The following MAP3K15 variants were observed in gnomAD, a reference collection of about 807,000 sequenced individuals.
The protein encoded by MAP3K15 is mitogen-activated protein kinase kinase kinase 15.
A neutral mutation model predicts 99.5 loss-of-function variants in MAP3K15; 124 were observed. The observed-to-expected ratio is 1.25, with a 90% CI of 1.08 to 1.45. MAP3K15 has a LOEUF of 1.45. Among genes scored for constraint, MAP3K15 ranks in the 40% most tolerant of loss-of-function variants. The pLI is 0.00. For synonymous variants in MAP3K15, 494 were observed against 439.6 expected, an observed-to-expected ratio of 1.12 and a Z score of -1.55; for missense variants, 1,242 against 1,079.7, an observed-to-expected ratio of 1.15 and a Z score of -2.11.
intron 9 of MAP3K15, among the ~76,000 whole-genome samples, chrX:19,424,299 T>C (rs1431884657): frequency 3.1e-5 from 3 of 98,016 alleles, no homozygotes; most frequent in East Asian, 5.7e-4. Context: ...TATACACATA[T>C]ATATACACAC....
Position 19,400,796 on chromosome X carries a change from C to T in MAP3K15, c.1845-133G>A, listed in dbSNP as rs2063602783. ...AAGTCATGGAACAATCGATCCCCTC[C>T]TTGATTTGACGTGGTACTTTAGTGG... On this transcript the variant is annotated intron_variant, in intron 13 of 28. Transcript: ENST00000338883. 8.7e-5 allele frequency: 38 copies of T among 437,070 alleles called. No homozygotes were observed. In the South Asian group the frequency reaches 1.2e-3, roughly 13 times the overall value. The allele number at this position is 437,070 out of a possible 1,213,427, so 36.0% of individuals were successfully genotyped here.
At chrX:19,454,684 TC>T (rs952102323) in intron 6 of MAP3K15, among the ~76,000 whole-genome samples, 1 of 112,000 alleles carries the variant, frequency 8.9e-6, no homozygotes, top group African/African-American at 3.3e-5. Context: ...AAAACTCATT[TC>T]TTGTCCATCA....
At chrX:19,420,999 C>G (rs2063779621) in intron 9 of MAP3K15, among the ~76,000 whole-genome samples, 1 of 111,501 alleles carries the variant, frequency 9.0e-6, no homozygotes, top group African/African-American at 3.3e-5. Context: ...ATGCTAAAAA[C>G]TCTCAATACA....
At chrX:19,432,478 C>G (rs1174597442) in intron 6 of MAP3K15, among the ~76,000 whole-genome samples, 2 of 107,018 alleles carry the variant, frequency 1.9e-5, no homozygotes, top group Non-Finnish European at 3.9e-5. Context: ...TCACTTGAAC[C>G]CAGGAGGCAG....
intron 18 of MAP3K15, among the ~76,000 whole-genome samples, chrX:19,388,252 C>T (rs761695114): frequency 4.4e-4 from 49 of 112,268 alleles, no homozygotes; most frequent in East Asian, 1.7e-3. Context: ...CGGCTTCAAG[C>T]GATGAGTCCT....
Position 19,485,806 on chromosome X carries a change from A to G in MAP3K15, c.525+676T>C, listed in dbSNP as rs1488750286. On this transcript the variant is annotated intron_variant, in intron 3 of 28. Transcript: ENST00000338883. ...TCTAGGTCACGGTTTCTCAAACCAC[A>G]ATGCCATAGGTCTGGAGGGATGGGC... is the stretch of plus-strand genomic sequence containing the variant. Among the ~76,000 whole-genome samples, 10 of 111,316 alleles carry G rather than the reference A, an allele frequency of 9.0e-5. No individual in the cohort carries two copies. In the Admixed American group the frequency reaches 9.6e-4, roughly 11 times the overall value.
intron 10 of MAP3K15, 138 bp from the exon 11 acceptor site, chrX:19,413,602 G>A: frequency 4.8e-6 from 1 of 210,165 alleles, no homozygotes; most frequent in Non-Finnish European, 8.2e-6. Flanking sequence ...TGTAATCCCA[G>A]CACTTTGGGA....
rs149178867 is a variant in MAP3K15 at position 19,466,056 on chromosome X, C to T, written c.526-1650G>A. On this transcript the variant is annotated intron_variant, in intron 3 of 28. Coordinates refer to ENST00000338883, the MANE Select transcript of MAP3K15 (RefSeq NM_001001671.4). Reference sequence around the variant, plus strand: ...GCAGTCTCAAACTCCTGGGCTCAAGCGATCCTCCTGCCTTGGCCTCCCAAA... The same window carrying T: ...GCAGTCTCAAACTCCTGGGCTCAAGTGATCCTCCTGCCTTGGCCTCCCAAA... 6.8e-4 allele frequency among the ~76,000 whole-genome samples: 75 copies of T among 110,426 alleles called. No individual in the cohort carries two copies. The East Asian group carries it at 0.02, about 29-fold the overall frequency.
rs1208877616 is a variant in MAP3K15 at position 19,474,546 on chromosome X, G to C, written c.526-10140C>G. On this transcript the variant is annotated intron_variant, in intron 3 of 28. Coordinates refer to ENST00000338883, the MANE Select transcript of MAP3K15 (RefSeq NM_001001671.4). ...AGATCCAGTCATTCTTGGAGGTTGG[G>C]GGGGGGGGTCTGTGAACTTGAAAGA... 6.2e-5 allele frequency among the ~76,000 whole-genome samples: 6 copies of C among 97,206 alleles called. 1 individual carries two copies. The highest frequency in any genetic ancestry group is 2.3e-4 in the African/African-American group (6 of 26,188). 84.4% of individuals were successfully genotyped at this position (97,206 alleles called of 115,157 possible).
intron 12 of MAP3K15, among the ~76,000 whole-genome samples, chrX:19,409,166 T>C (rs927096262): frequency 6.3e-5 from 7 of 111,396 alleles, no homozygotes; most frequent in African/African-American, 2.3e-4. Context: ...AGGATCACAC[T>C]ATGTCTAGAA....
At chrX:19,362,015 G>A (rs918171845) in intron 26 of MAP3K15, among the ~76,000 whole-genome samples, 1 of 111,330 alleles carries the variant, frequency 9.0e-6, no homozygotes, top group Admixed American at 9.6e-5. Context: ...ATGTCAGGTT[G>A]ATGGAGGCAT....
In MAP3K15 at chrX:19,464,361, A is replaced by C. The variant is rs765317585; in HGVS notation, c.571T>G (p.Cys191Gly). 36 of 1,195,462 alleles carry C rather than the reference A, an allele frequency of 3.0e-5. No individual in the cohort carries two copies. The highest frequency in any genetic ancestry group is 5.3e-5 in the South Asian group (3 of 56,396). The change falls in exon 4 of 29, where the codon TGC becomes GGC. Residue 191 changes from cysteine to glycine, a missense_variant. By Grantham distance (159) the Cys-to-Gly change is radical. Coordinates refer to ENST00000338883, the MANE Select transcript of MAP3K15 (RefSeq NM_001001671.4). ...CTCTCGCAGCAAAAATAATCAGCGC[A>C]CGGTGTCACGATGTATGGGATGAAA... is the stretch of plus-strand genomic sequence containing the variant. ...YYFIPYIVTP[C>G]ADYFCCESDA... is the part of the protein sequence containing the mutation.
intron 1 of MAP3K15, among the ~76,000 whole-genome samples, chrX:19,491,221 G>A (rs950844828): frequency 9.9e-5 from 11 of 111,338 alleles, no homozygotes; most frequent in Non-Finnish European, 1.9e-4. Context: ...GGATTCTGAT[G>A]GGTGCCAGGG....
rs752569972 is a variant in MAP3K15, at chrX:19,457,009, G to A, written c.899C>T (p.Ala300Val). The A allele has an allele frequency of 9.2e-6, 11 of 1,190,156 alleles. No homozygotes were observed. In the South Asian group the frequency reaches 1.6e-4, roughly 17 times the overall value. Residue 300 changes from alanine (A) to valine (V), a missense_variant, in exon 6 of 29, where the codon GCG becomes GTG. Coordinates refer to ENST00000338883, the MANE Select transcript of MAP3K15 (RefSeq NM_001001671.4). ...LSYRDIQDYD[A>V]MVKLVETLEM... ...CAGTGTTTCCACCAGCTTCACCATC[G>A]CATCATAGTCCTGTTGGCAAGAGGT... is the stretch of plus-strand genomic sequence containing the variant.
intron 1 of MAP3K15, among the ~76,000 whole-genome samples, chrX:19,509,777 A>T (rs776446357): frequency 1.6e-4 from 18 of 111,515 alleles, no homozygotes; most frequent in Non-Finnish European, 2.3e-4. Flanking sequence ...GACATGAAAA[A>T]ACCTTCAAAA....
intron 13 of MAP3K15, among the ~76,000 whole-genome samples, chrX:19,401,489 G>A (rs1353070899): frequency 9.0e-6 from 1 of 111,718 alleles, no homozygotes; most frequent in Non-Finnish European, 1.9e-5. Context: ...CCCGCACCCA[G>A]CCTCTTGTAT....
chrX:19,451,622 G>C, intron 6 of MAP3K15, among the ~76,000 whole-genome samples: 1 of 108,868 alleles, frequency 9.2e-6, no homozygotes, highest in East Asian at 2.8e-4. Flanking sequence ...AACTACAATA[G>C]GCTATCATCT....
intron 13 of MAP3K15, among the ~76,000 whole-genome samples, chrX:19,405,414 A>AC (rs2063640869): frequency 8.9e-6 from 1 of 111,962 alleles, no homozygotes; most frequent in Admixed American, 9.5e-5. Flanking sequence ...TCAAAGGACT[A>AC]CCCAAAATAA....
rs1447736881 is a variant in MAP3K15, at chrX:19,464,391, A to C, written c.541T>G (p.Tyr181Asp). The C allele has an allele frequency of 3.4e-6, 4 of 1,184,184 alleles. No individual in the cohort carries two copies. In the South Asian group the frequency reaches 5.4e-5, roughly 16 times the overall value. Residue 181 changes from tyrosine to aspartate, a missense_variant, in exon 4 of 29, where the codon TAT becomes GAT. Coordinates refer to ENST00000338883, the MANE Select transcript of MAP3K15 (RefSeq NM_001001671.4). ...GTCACGATGTATGGGATGAAATAAT[A>C]ATTTCCACTGGATGCCTGGAAAAAA... is the stretch of plus-strand genomic sequence containing the variant. ...TQKNTASSGN[Y>D]YFIPYIVTPC...
Sources: gnomAD v4.1 joint callset for allele counts (sites outside exome capture counted in the v4.1 genomes callset) on GRCh38, gnomAD v4.1.1 for gene constraint, MANE v1.5 for transcripts, NCBI Gene and HGNC (gene_info 2026-07-23, HGNC 2026-07-21) for gene names.